TRPM3: variants seen among roughly 807,000 people sequenced by gnomAD.
The protein encoded by TRPM3 is long transient receptor potential channel 3.
A neutral mutation model predicts 181.2 loss-of-function variants in TRPM3; 77 were observed. The observed-to-expected ratio is 0.42, with a 90% CI of 0.35 to 0.51. The LOEUF (loss-of-function observed/expected upper bound fraction) is 0.51, where lower values mean the gene tolerates loss of function less well. TRPM3 is among the 20% of genes least tolerant of loss of function. The pLI is 0.01. For synonymous variants in TRPM3, 745 were observed against 796.4 expected, an observed-to-expected ratio of 0.94 and a Z score of 1.09; for missense variants, 1,759 against 2,196.7, an observed-to-expected ratio of 0.80 and a Z score of 3.98.
intron 1 of TRPM3, among the ~76,000 whole-genome samples, chr9:71,208,452 T>C (rs1023118629): frequency 4.6e-5 from 7 of 152,160 alleles, no homozygotes; most frequent in African/African-American, 1.7e-4. Flanking sequence ...CAATGGAAAA[T>C]ATTCCTGCAG....
At chr9:71,109,297 GTT>G (rs201781457) in intron 1 of TRPM3, among the ~76,000 whole-genome samples, 1 of 144,118 alleles carries the variant, frequency 6.9e-6, no homozygotes, top group Admixed American at 7.0e-5. Context: ...CTTCTGGTTT[GTT>G]TTTTTTTTTC....
chr9:70,622,448 C>A (rs2063769219), intron 14 of TRPM3, among the ~76,000 whole-genome samples: 1 of 152,226 alleles, frequency 6.6e-6, no homozygotes, highest in Middle Eastern at 3.2e-3. Flanking sequence ...TGTTTAGATT[C>A]TTTATGCTGG....
At chr9:70,825,988 A>G (rs1343021445) in intron 6 of TRPM3, 1 of 152,404 alleles carries the variant, frequency 6.6e-6, no homozygotes, top group Non-Finnish European at 1.5e-5. Context: ...CTACTGGCTA[A>G]CCAGCCCAGC....
chr9:71,155,830 G>C (rs2075975042), intron 1 of TRPM3, among the ~76,000 whole-genome samples: 2 of 152,020 alleles, frequency 1.3e-5, no homozygotes, highest in African/African-American at 4.8e-5. Flanking sequence ...AAAATTTTCA[G>C]GGGAGTTATG....
chr9:71,436,298 C>T (rs901838288), intron 1 of TRPM3, among the ~76,000 whole-genome samples: 22 of 77,296 alleles, frequency 2.8e-4, no homozygotes, highest in African/African-American at 7.1e-4. Flanking sequence ...TTTTTTCTTT[C>T]TTTTTTTTTT....
intron 22 of TRPM3, among the ~76,000 whole-genome samples, chr9:70,584,722 T>C (rs2056742700): frequency 6.6e-6 from 1 of 152,208 alleles, no homozygotes; most frequent in Admixed American, 6.5e-5. Context: ...GATTATTCCT[T>C]TTTCCTCTGG....
intron 1 of TRPM3, among the ~76,000 whole-genome samples, chr9:71,405,237 G>A (rs1397738667): frequency 6.6e-6 from 1 of 151,984 alleles, no homozygotes; most frequent in East Asian, 1.9e-4. Flanking sequence ...ATTAAATTTT[G>A]CACTTGCTTA....
intron 1 of TRPM3, among the ~76,000 whole-genome samples, chr9:71,388,162 T>C (rs1387244596): frequency 1.3e-5 from 2 of 152,160 alleles, no homozygotes; most frequent in East Asian, 1.9e-4. Flanking sequence ...AGTTATATGA[T>C]GAGCTAAGAG....
rs549245725 is a variant in TRPM3, at chr9:70,530,121, A to G, written c.*5832T>C. 6.6e-6 allele frequency: 1 copy of G among 152,392 alleles called. No individual in the cohort carries two copies. Among genetic ancestry groups the G allele is most frequent in the Admixed American group, 6.5e-5 (1 of 15,292 alleles). The allele number at this position is 152,392 out of a possible 1,614,324, so 9.4% of individuals were successfully genotyped here. A position where few individuals can be genotyped will look rare whatever the true frequency, so the allele number is the denominator to read the frequency against. On this transcript the variant is annotated 3_prime_UTR_variant, in exon 26 of 26. Transcript: ENST00000677713. ...GAACACCAGCCGGGGTAGAGGCAGGAGGAGGCTAAGTTGGTGGGAAGATCA... is the reference window on the plus strand; with the variant it reads ...GAACACCAGCCGGGGTAGAGGCAGGGGGAGGCTAAGTTGGTGGGAAGATCA...
chr9:71,399,526 GTTTTTTTT>G (rs1166936123), intron 1 of TRPM3, among the ~76,000 whole-genome samples: 1 of 62,684 alleles, frequency 1.6e-5, no homozygotes, highest in Non-Finnish European at 3.8e-5. Context: ...ATTTTCTTTT[GTTTTTTTT>G]TTTTTTTTTT....
chr9:70,571,351 G>C lies in TRPM3; in HGVS notation c.3224-18041C>G, dbSNP rs536054690. ...AGAGTGTTGTTGTAAAGATAAACGA[G>C]TTGTTGCTGATATGTGTAAAGGTTT... On this transcript the variant is annotated intron_variant, in intron 22 of 25. Coordinates refer to ENST00000677713, the MANE Select transcript of TRPM3 (RefSeq NM_001366145.2). Among the ~76,000 whole-genome samples the C allele has an allele frequency of 2.8e-4, 43 of 152,226 alleles. No homozygotes were observed. In the South Asian group the frequency reaches 6.4e-3, roughly 23 times the overall value.
chr9:70,949,513 C>A (rs943753252), intron 1 of TRPM3, among the ~76,000 whole-genome samples: 1 of 151,910 alleles, frequency 6.6e-6, no homozygotes, highest in Non-Finnish European at 1.5e-5. Flanking sequence ...CCCAGAAGGA[C>A]TTCTCCCCCA....
chr9:70,765,406 C>T (rs1026048491), intron 7 of TRPM3, among the ~76,000 whole-genome samples: 1 of 152,004 alleles, frequency 6.6e-6, no homozygotes, highest in Non-Finnish European at 1.5e-5. Flanking sequence ...GCCTGGCCAA[C>T]ATATTGAAAC....
In TRPM3 at chr9:70,827,455, G is replaced by A. The variant is rs115790882; in HGVS notation, c.973+392C>T. ...TGAAATGCCTTTGCACAGCCAGATC[G>A]GTGCTAAGATCAAAATCTGATTCTT... On this transcript the variant is annotated intron_variant, in intron 6 of 25. Coordinates refer to ENST00000677713, the MANE Select transcript of TRPM3 (RefSeq NM_001366145.2). 914 of 154,992 alleles carry A rather than the reference G, an allele frequency of 5.9e-3. 11 individuals carry two copies. The highest frequency in any genetic ancestry group is 0.021 in the African/African-American group (872 of 41,656). 9.6% of individuals were successfully genotyped at this position (154,992 alleles called of 1,614,324 possible). A position where few individuals can be genotyped will look rare whatever the true frequency, so the allele number is the denominator to read the frequency against.
chr9:71,163,057 G>A (rs2076355739), intron 1 of TRPM3, among the ~76,000 whole-genome samples: 1 of 152,148 alleles, frequency 6.6e-6, no homozygotes, highest in Non-Finnish European at 1.5e-5. Flanking sequence ...GCTAAGCCAA[G>A]GCCGATTTAT....
At chr9:71,380,862 T>G (rs185514078) in intron 1 of TRPM3, among the ~76,000 whole-genome samples, 1 of 152,166 alleles carries the variant, frequency 6.6e-6, no homozygotes, top group Admixed American at 6.6e-5. Flanking sequence ...CAGAACTGCT[T>G]AATACTTTCT....
intron 1 of TRPM3, among the ~76,000 whole-genome samples, chr9:71,405,665 G>A (rs969299211): frequency 3.3e-5 from 5 of 152,046 alleles, no homozygotes; most frequent in Admixed American, 1.3e-4. Context: ...TAATTGTTTT[G>A]TAATAAAATG....
chr9:70,805,487 T>C (rs2090456995), intron 6 of TRPM3, among the ~76,000 whole-genome samples: 2 of 139,818 alleles, frequency 1.4e-5, no homozygotes, highest in Non-Finnish European at 3.0e-5. Context: ...TGAGCCGAGA[T>C]TGCGGCACTG....
chr9:70,823,825 T>G (rs897595326), intron 6 of TRPM3, among the ~76,000 whole-genome samples: 1 of 152,234 alleles, frequency 6.6e-6, no homozygotes, highest in Admixed American at 6.5e-5. Context: ...ATATTAAATT[T>G]GAAGTTTAAA....
Sources: gnomAD v4.1 joint callset for allele counts (sites outside exome capture counted in the v4.1 genomes callset) on GRCh38, gnomAD v4.1.1 for gene constraint, MANE v1.5 for transcripts, NCBI Gene and HGNC (gene_info 2026-07-23, HGNC 2026-07-21) for gene names.